The following AK6 variants were observed in gnomAD, a reference collection of about 807,000 sequenced individuals.
The protein encoded by AK6 is adenylate kinase isoenzyme 6.
In AK6, 24 loss-of-function variants were observed where a neutral mutation model predicts 23.7. The ratio of observed to expected loss-of-function variants is 1.01; its 90% CI spans 0.73 to 1.43. The LOEUF (loss-of-function observed/expected upper bound fraction) is 1.43, where lower values mean the gene tolerates loss of function less well. Among genes scored for constraint, AK6 ranks in the 40% most tolerant of loss-of-function variants. AK6 has a pLI of 0.00. For synonymous variants in AK6, 73 were observed against 69.8 expected, an observed-to-expected ratio of 1.05 and a Z score of -0.23; for missense variants, 191 against 199.1, an observed-to-expected ratio of 0.96 and a Z score of 0.24.
rs1761966800 is a variant in AK6, at chr5:69,352,252, C to T, written c.328G>A (p.Gly110Ser). The change falls in exon 5 of 5, where the codon GGT becomes AGT. Residue 110 changes from glycine (G) to serine (S), a missense_variant and splice_region_variant. Coordinates refer to ENST00000380822, the MANE Select transcript of AK6 (RefSeq NM_016283.5). ...TCTGTTAGTTTCTTCTCATTATAAC[C>T]CCTAGAAGGCAGGGAGGTTAAGCAA... Reference protein sequence around the residue: ...NVLYERLETRGYNEKKLTDNI... With the variant: ...NVLYERLETRSYNEKKLTDNI... The T allele has an allele frequency of 1.2e-6, 2 of 1,605,072 alleles. No homozygotes were observed. The highest frequency in any genetic ancestry group is 2.2e-5 in the South Asian group (2 of 89,574).
At chr5:69,365,163 G>A in intron 2 of AK6, 1 of 1,614,190 alleles carries the variant, frequency 6.2e-7, no homozygotes, top group Non-Finnish European at 8.5e-7. Context: ...CTGAGAAGTA[G>A]GCATCTGTAC....
intron 2 of AK6, among the ~76,000 whole-genome samples, chr5:69,360,214 A>G (rs1341902147): frequency 6.6e-6 from 1 of 152,190 alleles, no homozygotes; most frequent in African/African-American, 2.4e-5. Flanking sequence ...GAGGGAAGAA[A>G]GAGATACTGA....
chr5:69,360,342 T>C (rs1762198001), intron 2 of AK6, among the ~76,000 whole-genome samples: 1 of 152,144 alleles, frequency 6.6e-6, no homozygotes, highest in African/African-American at 2.4e-5. Context: ...GCCAAGTGGA[T>C]CTGTGTGGAG....
chr5:69,357,525 A>G (rs1165250675), intron 2 of AK6, among the ~76,000 whole-genome samples: 1 of 152,238 alleles, frequency 6.6e-6, no homozygotes, highest in African/African-American at 2.4e-5. Flanking sequence ...TCAAATTCTA[A>G]GAAAAGTAAC....
At chr5:69,364,629 T>G (rs1762339513) in intron 2 of AK6, 1 of 436,876 alleles carries the variant, frequency 2.3e-6, no homozygotes. Flanking sequence ...GACACTCTAG[T>G]GGTCAAAAAT....
At chr5:69,369,611 G>A (rs747310023), upstream of AK6, 3 of 1,579,218 alleles carry the variant, frequency 1.9e-6, no homozygotes, top group Non-Finnish European at 2.6e-6. Context: ...GCCCACCGCG[G>A]CGCCCCTAGC....
intron 2 of AK6, chr5:69,365,736 A>G: frequency 6.5e-7 from 1 of 1,532,338 alleles, no homozygotes; most frequent in Non-Finnish European, 8.8e-7. Flanking sequence ...GCCAGACTCC[A>G]TGATATCCGA....
At chr5:69,360,679 C>G (rs963653712) in intron 2 of AK6, among the ~76,000 whole-genome samples, 8 of 152,038 alleles carry the variant, frequency 5.3e-5, no homozygotes, top group Admixed American at 5.2e-4. Flanking sequence ...AGAGCAGTGT[C>G]AGAGAGGTCA....
rs1254090399 is a variant in AK6, at chr5:69,368,735, T to G, written c.28+728A>C. 3 of 152,212 alleles carry G rather than the reference T, an allele frequency of 2.0e-5. No homozygotes were observed. In the East Asian group the frequency reaches 5.8e-4, roughly 29 times the overall value. The allele number at this position is 152,212 out of a possible 1,614,324, so 9.4% of individuals were successfully genotyped here. A position where few individuals can be genotyped will look rare whatever the true frequency, so the allele number is the denominator to read the frequency against. On this transcript the variant is annotated intron_variant, in intron 1 of 4. Transcript: ENST00000380822. ...ATTTTTCCACGAATGGCCTACAATTTGATAAACACTTTCAGGACTAAACGG... is the reference window on the plus strand; with the variant it reads ...ATTTTTCCACGAATGGCCTACAATTGGATAAACACTTTCAGGACTAAACGG...
At chr5:69,357,805 A>T (rs780298736) in intron 2 of AK6, among the ~76,000 whole-genome samples, 2 of 152,192 alleles carry the variant, frequency 1.3e-5, no homozygotes, top group Non-Finnish European at 2.9e-5. Flanking sequence ...AGAAAATAAT[A>T]AAAAATGTTG....
chr5:69,357,582 C>A (rs1185022377), intron 2 of AK6, among the ~76,000 whole-genome samples: 1 of 151,960 alleles, frequency 6.6e-6, no homozygotes, highest in African/African-American at 2.4e-5. Flanking sequence ...AATATAAAGA[C>A]CTTAAAACCA....
At chr5:69,365,347 A>G (rs1487512422) in intron 2 of AK6, 2 of 1,614,218 alleles carry the variant, frequency 1.2e-6, no homozygotes, top group South Asian at 2.2e-5. Flanking sequence ...TTCTGTAAAG[A>G]TTTCAGCCTA....
rs934800262 is a variant in AK6, at chr5:69,369,377, G to A, written c.28+86C>T. 8.6e-6 allele frequency: 13 copies of A among 1,509,124 alleles called. No homozygotes were observed. In the African/African-American group the frequency reaches 1.6e-4, roughly 18 times the overall value. 93.5% of individuals were successfully genotyped at this position (1,509,124 alleles called of 1,614,324 possible). A position where few individuals can be genotyped will look rare whatever the true frequency, so the allele number is the denominator to read the frequency against. Reference sequence around the variant, plus strand: ...GCCGGCCTCTGAAGAGGGCAGTGAGGGGCCCCCACCTGGGCGCCCGATGCC... The same window carrying A: ...GCCGGCCTCTGAAGAGGGCAGTGAGAGGCCCCCACCTGGGCGCCCGATGCC... On this transcript the variant is annotated intron_variant, in intron 1 of 4. Transcript: ENST00000380822.
chr5:69,354,297 T>C (rs936111095), intron 4 of AK6, among the ~76,000 whole-genome samples: 2 of 152,200 alleles, frequency 1.3e-5, no homozygotes, highest in Admixed American at 1.3e-4. Context: ...CCCAAAACTT[T>C]TAATGGCTTT....
At chr5:69,352,371 C>T in intron 4 of AK6, 118 bp from the exon 5 acceptor site, 1 of 743,100 alleles carries the variant, frequency 1.3e-6, no homozygotes, top group Non-Finnish European at 2.2e-6. Flanking sequence ...GAAATGGTCT[C>T]TTCACCTAGA....
At chr5:69,356,072 G>A in intron 2 of AK6, 119 bp from the exon 3 acceptor site, 2 of 789,606 alleles carry the variant, frequency 2.5e-6, no homozygotes, top group South Asian at 2.0e-5. Flanking sequence ...AGATACAAGG[G>A]TGGATACTAA....
In AK6 at chr5:69,351,892, A is replaced by G; in HGVS notation, c.*169T>C. ...AATAATACTATATTCATTATATTTC[A>G]TGTTTAGCTTTCTCATGGAGAAAAA... On this transcript the variant is annotated 3_prime_UTR_variant, in exon 5 of 5. Transcript: ENST00000380822. 1 of 435,774 alleles carries G rather than the reference A, an allele frequency of 2.3e-6. No individual in the cohort carries two copies. The highest frequency in any genetic ancestry group is 3.4e-5 in the East Asian group (1 of 29,238). The allele number at this position is 435,774 out of a possible 1,614,324, so 27.0% of individuals were successfully genotyped here.
chr5:69,358,167 T>G (rs1347641138), intron 2 of AK6, among the ~76,000 whole-genome samples: 1 of 152,204 alleles, frequency 6.6e-6, no homozygotes, highest in African/African-American at 2.4e-5. Flanking sequence ...GATTCTGTAC[T>G]ATGTGGTAAT....
At chr5:69,352,484 C>A (rs549735513) in intron 4 of AK6, among the ~76,000 whole-genome samples, 84 of 152,070 alleles carry the variant, frequency 5.5e-4, no homozygotes, top group African/African-American at 1.9e-3. Context: ...TTCCCCCCCC[C>A]ACAATTTGTC....
Sources: allele counts gnomAD v4.1 joint callset (sites outside exome capture counted in the v4.1 genomes callset), GRCh38; gene constraint gnomAD v4.1.1; transcripts MANE v1.5; gene names NCBI Gene and HGNC (gene_info 2026-07-23, HGNC 2026-07-21).